FER: variants seen among roughly 807,000 people sequenced by gnomAD.
The protein encoded by FER is tyrosine-protein kinase Fer.
Under a neutral mutation model 111.0 loss-of-function variants are expected in FER, and 63 were observed. The observed-to-expected ratio is 0.57, with a 90% confidence interval of 0.46 to 0.70. FER has a LOEUF of 0.70. FER is among the 30% of genes least tolerant of loss of function. The pLI, the probability that FER is intolerant of heterozygous loss-of-function variation, is 0.00. For missense variants in FER, 914 were observed against 954.0 expected (o/e 0.96, Z 0.55); for synonymous variants, 327 against 313.9 (o/e 1.04, Z -0.44).
chr5:108,871,921 A>G (rs1411010312), intron 7 of FER, among the ~76,000 whole-genome samples, 172 bp from the exon 8 acceptor site: 2 of 152,072 alleles, frequency 1.3e-5, no homozygotes, highest in Admixed American at 1.3e-4. Flanking sequence ...AAGGAATCTA[A>G]GTCTCAAGTT....
In FER at chr5:108,773,506, T is replaced by C. The variant is rs1753149503; in HGVS notation, c.-60+5268T>C. The stretch of plus-strand genomic sequence containing the variant: ...ATTATGGCTTCCAATTCCATCCATG[T>C]CCTTTCAAAGGACATAATCTCATTC... On this transcript the variant is annotated intron_variant, in intron 2 of 19. Coordinates refer to ENST00000281092, the MANE Select transcript of FER (RefSeq NM_005246.4). Among the ~76,000 whole-genome samples, 3 of 152,202 alleles carry C rather than the reference T, an allele frequency of 2.0e-5. No individual in the cohort carries two copies. The South Asian group carries it at 6.2e-4, about 32-fold the overall frequency.
At chr5:108,808,323 T>G (rs1757409052) in intron 3 of FER, among the ~76,000 whole-genome samples, 1 of 152,156 alleles carries the variant, frequency 6.6e-6, no homozygotes, top group Non-Finnish European at 1.5e-5. Flanking sequence ...TAAGTCTTCT[T>G]GTTGAATTAA....
intron 5 of FER, among the ~76,000 whole-genome samples, chr5:108,866,430 T>A (rs1419171871): frequency 2.0e-5 from 3 of 151,968 alleles, no homozygotes; most frequent in Admixed American, 6.6e-5. Context: ...CACCAAGGAC[T>A]GTTGTGGGAT....
At chr5:108,752,489 G>C (rs1011815774) in intron 1 of FER, among the ~76,000 whole-genome samples, 1 of 151,812 alleles carries the variant, frequency 6.6e-6, no homozygotes, top group Non-Finnish European at 1.5e-5. Context: ...ATTAGAAGAG[G>C]GCTCCTAGAT....
intron 9 of FER, among the ~76,000 whole-genome samples, chr5:108,896,754 T>C (rs1051662463): frequency 2.0e-5 from 3 of 152,248 alleles, no homozygotes; most frequent in African/African-American, 7.2e-5. Context: ...TCAGTTTATG[T>C]TGAGACTTAT....
At chr5:108,986,094 C>G in intron 13 of FER, among the ~76,000 whole-genome samples, 1 of 152,166 alleles carries the variant, frequency 6.6e-6, no homozygotes, top group Non-Finnish European at 1.5e-5. Context: ...TCTATGCCAA[C>G]ATGTATTATT....
chr5:109,091,295 C>A (rs1350766849), intron 16 of FER, among the ~76,000 whole-genome samples: 9 of 152,172 alleles, frequency 5.9e-5, no homozygotes, highest in Non-Finnish European at 1.3e-4. Context: ...AGTTTCTAAT[C>A]CTTGCATCCT....
intron 13 of FER, among the ~76,000 whole-genome samples, chr5:109,009,293 C>T (rs1765932452): frequency 6.6e-6 from 1 of 152,078 alleles, no homozygotes; most frequent in Non-Finnish European, 1.5e-5. Flanking sequence ...ACCTCAGCCT[C>T]CCAAAGTGGT....
At position 108,858,477 on chromosome 5, in the gene FER, G is replaced by T. The variant is rs1159751786; in HGVS notation, c.482-9290G>T. 2.6e-5 allele frequency among the ~76,000 whole-genome samples: 4 copies of T among 151,940 alleles called. No individual in the cohort carries two copies. The East Asian group carries it at 7.7e-4, about 29-fold the overall frequency. ...TTACTTCCCTACTCCTTTTAGTGTG[G>T]TTAGTGTTATTCACTGGAAATACAG... On this transcript the variant is annotated intron_variant, in intron 5 of 19. Transcript: ENST00000281092.
intron 1 of FER, among the ~76,000 whole-genome samples, chr5:108,754,269 G>A (rs965045298): frequency 6.6e-6 from 1 of 151,896 alleles, no homozygotes; most frequent in African/African-American, 2.4e-5. Context: ...AAATTAGCCC[G>A]ATATGATGGC....
intron 16 of FER, among the ~76,000 whole-genome samples, chr5:109,089,629 TGCA>T (rs1465661849): frequency 6.6e-6 from 1 of 152,144 alleles, no homozygotes; most frequent in Non-Finnish European, 1.5e-5. Flanking sequence ...GATAAGAAGT[TGCA>T]GTACACTGGG....
chr5:109,168,929 T>C (rs1756820963), intron 17 of FER, among the ~76,000 whole-genome samples: 1 of 152,240 alleles, frequency 6.6e-6, no homozygotes, highest in South Asian at 2.1e-4. Context: ...TTTACATTTA[T>C]AGAAATTATT....
intron 13 of FER, among the ~76,000 whole-genome samples, chr5:109,003,793 A>G (rs1036229850): frequency 6.6e-6 from 1 of 152,088 alleles, no homozygotes; most frequent in Non-Finnish European, 1.5e-5. Context: ...CAGCCTAGGC[A>G]TCATAGAGAG....
intron 13 of FER, among the ~76,000 whole-genome samples, chr5:109,019,265 C>G (rs1228895237): frequency 1.3e-5 from 2 of 151,750 alleles, no homozygotes; most frequent in Non-Finnish European, 2.9e-5. Context: ...GTCATATTCT[C>G]TAGCCATGCC....
chr5:108,833,168 A>G (rs1760229283), intron 4 of FER, among the ~76,000 whole-genome samples: 1 of 152,160 alleles, frequency 6.6e-6, no homozygotes, highest in African/African-American at 2.4e-5. Context: ...CAATTAAACT[A>G]TGACACAAAG....
chr5:108,880,443 T>C (rs1278708869), intron 8 of FER, among the ~76,000 whole-genome samples: 14 of 152,186 alleles, frequency 9.2e-5, no homozygotes, highest in Non-Finnish European at 2.1e-4. Context: ...AACTTTCATT[T>C]GAATTAAATG....
chr5:109,133,154 T>G (rs1217452090), intron 17 of FER, among the ~76,000 whole-genome samples: 2 of 152,184 alleles, frequency 1.3e-5, no homozygotes, highest in Non-Finnish European at 2.9e-5. Flanking sequence ...CTTGATAAAG[T>G]GCATATCATA....
At chr5:109,078,892 A>G (rs1037428995) in intron 16 of FER, among the ~76,000 whole-genome samples, 36 of 152,304 alleles carry the variant, frequency 2.4e-4, no homozygotes, top group African/African-American at 8.4e-4. Flanking sequence ...TTTAATATAT[A>G]GCTTACCAGG....
intron 12 of FER, among the ~76,000 whole-genome samples, chr5:108,956,467 C>T (rs935706157): frequency 3.3e-5 from 5 of 151,462 alleles, no homozygotes; most frequent in Non-Finnish European, 5.9e-5. Context: ...TTTAAATTAG[C>T]GTTCTTAGAA....
Sources: gnomAD v4.1 joint callset for allele counts (sites outside exome capture counted in the v4.1 genomes callset) on GRCh38, gnomAD v4.1.1 for gene constraint, MANE v1.5 for transcripts, NCBI Gene and HGNC (gene_info 2026-07-23, HGNC 2026-07-21) for gene names.